The following CSMD1 variants were observed in gnomAD, a reference collection of about 807,000 sequenced individuals.
CSMD1 encodes CUB and Sushi multiple domains 1.
A neutral mutation model predicts 417.5 loss-of-function variants in CSMD1; 213 were observed. That is an observed-to-expected ratio of 0.51 (90% CI 0.46 to 0.57). The LOEUF (loss-of-function observed/expected upper bound fraction) is 0.57, where lower values mean the gene tolerates loss of function less well. Ranked by LOEUF, CSMD1 falls within the 20% of genes least tolerant of loss-of-function variation. CSMD1 has a pLI of 0.00. For missense variants in CSMD1, 6,923 were observed against 4,529.7 expected (o/e 1.53, Z -15.17); for synonymous variants, 2,862 against 1,736.8 (o/e 1.65, Z -16.11).
At chr8:3,348,251 C>G in intron 21 of CSMD1, 90 bp from the exon 22 acceptor site, 1 of 895,676 alleles carries the variant, frequency 1.1e-6, no homozygotes, top group Non-Finnish European at 1.7e-6. Flanking sequence ...TGATAGCCTC[C>G]TCTTCTATCA....
chr8:4,201,460 C>G (rs1018649525), intron 3 of CSMD1, among the ~76,000 whole-genome samples: 1 of 132,432 alleles, frequency 7.6e-6, no homozygotes, highest in Non-Finnish European at 1.5e-5. Flanking sequence ...ATGGCATGAA[C>G]ACGGGAGGCG....
intron 1 of CSMD1, among the ~76,000 whole-genome samples, chr8:4,751,786 T>C (rs976931741): frequency 2.0e-5 from 3 of 152,198 alleles, no homozygotes; most frequent in East Asian, 3.9e-4. Context: ...GTTTGCATTC[T>C]AGCTCTGCCC....
intron 3 of CSMD1, among the ~76,000 whole-genome samples, chr8:4,332,047 T>G (rs576349543): frequency 6.6e-6 from 1 of 152,268 alleles, no homozygotes; most frequent in Admixed American, 6.5e-5. Context: ...GTGGTTTTTA[T>G]TTTTTATCTT....
chr8:4,290,794 T>C (rs923209849), intron 3 of CSMD1, among the ~76,000 whole-genome samples: 3 of 152,226 alleles, frequency 2.0e-5, no homozygotes, highest in Admixed American at 6.5e-5. Flanking sequence ...TGGTAAGCTT[T>C]TACTTTCAAG....
chr8:4,770,721 C>G (rs1376917696), intron 1 of CSMD1, among the ~76,000 whole-genome samples: 1 of 125,310 alleles, frequency 8.0e-6, no homozygotes, highest in African/African-American at 2.8e-5. Context: ...AAAGAATAAT[C>G]TTGTCAAAAA....
At chr8:3,915,148 G>A (rs543201485) in intron 5 of CSMD1, among the ~76,000 whole-genome samples, 1 of 152,078 alleles carries the variant, frequency 6.6e-6, no homozygotes. Flanking sequence ...GTTCACGCCT[G>A]TAATCCCAGC....
At chr8:4,410,578 A>T (rs1299237112) in intron 3 of CSMD1, among the ~76,000 whole-genome samples, 1 of 152,196 alleles carries the variant, frequency 6.6e-6, no homozygotes, top group African/African-American at 2.4e-5. Flanking sequence ...ATTTTAAATA[A>T]TGACCAATTT....
chr8:3,708,512 C>T, intron 6 of CSMD1, 21 bp from the exon 7 acceptor site: 1 of 1,606,914 alleles, frequency 6.2e-7, no homozygotes. Flanking sequence ...CAAAACCAAG[C>T]CATTAGCAGG....
At chr8:3,051,603 T>C (rs1204865227) in intron 50 of CSMD1, among the ~76,000 whole-genome samples, 1 of 152,226 alleles carries the variant, frequency 6.6e-6, no homozygotes, top group African/African-American at 2.4e-5. Flanking sequence ...AAATAAAGTT[T>C]TTTTTTAAAG....
At chr8:4,347,503 A>G (rs755308475) in intron 3 of CSMD1, among the ~76,000 whole-genome samples, 1 of 152,214 alleles carries the variant, frequency 6.6e-6, no homozygotes, top group Non-Finnish European at 1.5e-5. Flanking sequence ...AGGAGACTAA[A>G]TTATAATTTA....
chr8:4,692,427 T>G (rs571285614), intron 1 of CSMD1, among the ~76,000 whole-genome samples: 3 of 152,308 alleles, frequency 2.0e-5, no homozygotes, highest in South Asian at 2.1e-4. Context: ...GCCAGGATTT[T>G]TAAAGAGTAG....
At chr8:4,129,062 G>C (rs538885464) in intron 3 of CSMD1, among the ~76,000 whole-genome samples, 5 of 120,910 alleles carry the variant, frequency 4.1e-5, no homozygotes, top group Admixed American at 2.8e-4. Context: ...GTTACAGAGT[G>C]AGAGTCCAAC....
intron 53 of CSMD1, among the ~76,000 whole-genome samples, chr8:2,999,164 T>C (rs1807173228): frequency 6.7e-6 from 1 of 149,244 alleles, no homozygotes; most frequent in Admixed American, 6.7e-5. Context: ...CTTTTTTTTT[T>C]TTTTTTTTGA....
At chr8:3,765,240 T>C (rs1210571743) in intron 5 of CSMD1, among the ~76,000 whole-genome samples, 1 of 152,186 alleles carries the variant, frequency 6.6e-6, no homozygotes, top group Non-Finnish European at 1.5e-5. Flanking sequence ...GCTGTGCTCC[T>C]GCTTTCGCCC....
chr8:4,842,038 G>C (rs933498615), intron 1 of CSMD1, among the ~76,000 whole-genome samples: 4 of 151,692 alleles, frequency 2.6e-5, no homozygotes, highest in African/African-American at 4.8e-5. Context: ...GGAGCTGAGA[G>C]AGATGCTTTT....
At chr8:4,180,149 T>G (rs1031558015) in intron 3 of CSMD1, among the ~76,000 whole-genome samples, 1 of 152,128 alleles carries the variant, frequency 6.6e-6, no homozygotes, top group Non-Finnish European at 1.5e-5. Flanking sequence ...GCGGCACTAT[T>G]CACGACAGCA....
chr8:3,273,175 G>T (rs10093082), intron 26 of CSMD1, among the ~76,000 whole-genome samples: 2 of 149,452 alleles, frequency 1.3e-5, no homozygotes, highest in Non-Finnish European at 3.0e-5. Flanking sequence ...CCTTTTCTGC[G>T]TCTATTGAGA....
chr8:3,718,295 C>CCT (rs572008493), intron 6 of CSMD1, among the ~76,000 whole-genome samples: 130 of 101,486 alleles, frequency 1.3e-3, no homozygotes, highest in East Asian at 0.011. Context: ...GGCATTCCTG[C>CCT]ATTTTTTTTA....
chr8:3,430,297 G>A (rs1038139919), intron 12 of CSMD1, among the ~76,000 whole-genome samples: 2 of 151,988 alleles, frequency 1.3e-5, no homozygotes, highest in African/African-American at 4.8e-5. Context: ...TTTAATAACT[G>A]CTTACTATGT....
Sources: allele counts gnomAD v4.1 joint callset (sites outside exome capture counted in the v4.1 genomes callset), GRCh38; gene constraint gnomAD v4.1.1; transcripts MANE v1.5; gene names NCBI Gene and HGNC (gene_info 2026-07-23, HGNC 2026-07-21).